Variants in FNDC1 observed in about 807,000 individuals in gnomAD.
FNDC1 encodes the protein fibronectin type III domain-containing protein 1.
FNDC1 carries 96 observed loss-of-function variants against 168.0 expected under a neutral mutation model. The ratio of observed to expected loss-of-function variants is 0.57; its 90% CI spans 0.48 to 0.68. FNDC1 has a LOEUF of 0.68. Ranked by LOEUF, FNDC1 falls within the 30% of genes least tolerant of loss-of-function variation. The probability of loss-of-function intolerance (pLI) is 0.00; values close to 1 mark genes in which losing one functional copy is unlikely to be tolerated. For synonymous variants in FNDC1, 1,099 were observed against 1,025.9 expected (o/e 1.07, Z -1.36); for missense variants, 2,587 against 2,482.1 (o/e 1.04, Z -0.90).
intron 17 of FNDC1, among the ~76,000 whole-genome samples, chr6:159,256,008 G>A (rs1275341347): frequency 2.6e-5 from 4 of 152,218 alleles, no homozygotes; most frequent in African/African-American, 9.7e-5. Context: ...GGGCAGCACA[G>A]ATACTCAGCA....
intron 1 of FNDC1, among the ~76,000 whole-genome samples, chr6:159,195,127 G>T (rs1294188241): frequency 6.6e-6 from 1 of 152,052 alleles, no homozygotes; most frequent in African/African-American, 2.4e-5. Flanking sequence ...TTGACGGTAA[G>T]GTTGCCTGTA....
chr6:159,238,550 TTAGGTTG>T lies in FNDC1; in HGVS notation c.4069-2_4073del, dbSNP rs761916758. 1 of 1,598,366 alleles carries T rather than the reference TTAGGTTG, an allele frequency of 6.3e-7. No homozygotes were observed. Among genetic ancestry groups the T allele is most frequent in the Non-Finnish European group, 8.6e-7 (1 of 1,169,164 alleles). ...ATATTCTTTAATCTATGTCATGGAT[TTAGGTTG>T]TGGACCTTGATCGTGGGTTAGTATT... On this transcript the variant is annotated splice_acceptor_variant and splice_polypyrimidine_tract_variant and coding_sequence_variant and intron_variant, in exon 13 of 23. Transcript: ENST00000297267. LOFTEE classifies it high-confidence loss of function.
In FNDC1 at chr6:159,267,505, C is replaced by CT. The variant is rs370360223; in HGVS notation, c.5447-289dup. Among the ~76,000 whole-genome samples, 82 of 148,394 alleles carry CT rather than the reference C, an allele frequency of 5.5e-4. 1 individual carries two copies. The highest frequency in any genetic ancestry group is 1.3e-3 in the African/African-American group (53 of 40,652). ...CCAACTATCATAGTTTTCATCATTC[C>CT]TTTTTTTTTTAGAACTAAGGAATAG... On this transcript the variant is annotated intron_variant, in intron 21 of 22. Transcript: ENST00000297267.
intron 7 of FNDC1, among the ~76,000 whole-genome samples, chr6:159,224,114 T>C (rs1583884850): frequency 6.6e-6 from 1 of 152,322 alleles, no homozygotes; most frequent in East Asian, 1.9e-4. Context: ...AGTTCCTCAT[T>C]AGACTTTGCT....
In FNDC1 at chr6:159,221,666, A is replaced by T; in HGVS notation, c.736A>T (p.Arg246Trp). The T allele has an allele frequency of 1.2e-6, 2 of 1,614,006 alleles. No homozygotes were observed. The highest frequency in any genetic ancestry group is 1.7e-6 in the Non-Finnish European group (2 of 1,179,856). The change falls in exon 6 of 23, where the codon AGG becomes TGG. Residue 246 changes from arginine (R) to tryptophan (W), a missense_variant. Transcript: ENST00000297267. The part of the protein sequence containing the change: ...NSQGRSQPVY[R>W]AALTKRKISE... ...TCAGGGCCGGAGCCAACCAGTCTAC[A>T]GGGCTGCCCTAACAAAGCGAAAGAT...
At chr6:159,269,514 G>GCATCCATCCATCCATCCATCCATCCATC (rs1159382501) in intron 22 of FNDC1, among the ~76,000 whole-genome samples, 1 of 86,008 alleles carries the variant, frequency 1.2e-5, no homozygotes, top group African/African-American at 4.4e-5. Flanking sequence ...ATCCATCCAT[G>GCATCCATCCATCCATCCATCCATCCATC]CATCCATCCA....
intron 1 of FNDC1, among the ~76,000 whole-genome samples, chr6:159,190,078 C>G (rs924771255): frequency 2.0e-5 from 3 of 152,096 alleles, no homozygotes; most frequent in Non-Finnish European, 4.4e-5. Context: ...ATCTTTAATC[C>G]CAGGAAGATA....
At chr6:159,252,527 G>A (rs866698183) in intron 17 of FNDC1, among the ~76,000 whole-genome samples, 1 of 152,310 alleles carries the variant, frequency 6.6e-6, no homozygotes, top group East Asian at 1.9e-4. Flanking sequence ...ATTCTGCCAG[G>A]TGAGACTGAA....
intron 1 of FNDC1, among the ~76,000 whole-genome samples, chr6:159,180,247 G>A (rs1282633336): frequency 1.3e-5 from 2 of 152,070 alleles, no homozygotes; most frequent in Non-Finnish European, 2.9e-5. Flanking sequence ...CTGCCTCCAC[G>A]TCATATGGCA....
intron 13 of FNDC1, 85 bp from the exon 14 acceptor site, chr6:159,239,432 C>A: frequency 8.3e-7 from 1 of 1,207,766 alleles, no homozygotes; most frequent in Non-Finnish European, 1.1e-6. Flanking sequence ...AATACATAAG[C>A]TTTGAGAAGA....
At chr6:159,215,503 AG>A (rs1382241139) in intron 5 of FNDC1, among the ~76,000 whole-genome samples, 3 of 152,212 alleles carry the variant, frequency 2.0e-5, no homozygotes, top group Non-Finnish European at 1.5e-5. Flanking sequence ...TTAGAATCCT[AG>A]GACACTGGGC....
chr6:159,215,676 T>C (rs1346351800), intron 5 of FNDC1, among the ~76,000 whole-genome samples: 3 of 152,180 alleles, frequency 2.0e-5, no homozygotes, highest in Non-Finnish European at 4.4e-5. Flanking sequence ...CAATAGGCCA[T>C]CTGCAGGCTG....
intron 5 of FNDC1, among the ~76,000 whole-genome samples, chr6:159,216,048 G>A (rs973703648): frequency 1.8e-4 from 27 of 151,940 alleles, no homozygotes; most frequent in African/African-American, 6.3e-4. Context: ...GGCAACCTCC[G>A]CCTCCCGGGT....
chr6:159,198,819 G>C (rs567974922), intron 2 of FNDC1, among the ~76,000 whole-genome samples: 49 of 152,252 alleles, frequency 3.2e-4, no homozygotes, highest in Non-Finnish European at 6.3e-4. Context: ...AGAGTAAAGA[G>C]AGAAAGTGTC....
intron 5 of FNDC1, among the ~76,000 whole-genome samples, chr6:159,220,341 C>G (rs1782795813): frequency 6.6e-6 from 1 of 152,242 alleles, no homozygotes; most frequent in Admixed American, 6.5e-5. Flanking sequence ...GTGCTCTCAG[C>G]TCCCCTTAGG....
chr6:159,248,334 T>C (rs1583909697), intron 15 of FNDC1, among the ~76,000 whole-genome samples: 1 of 151,482 alleles, frequency 6.6e-6, no homozygotes, highest in East Asian at 1.9e-4. Context: ...TGAGATGGAG[T>C]CTCGCTCTGT....
intron 17 of FNDC1, among the ~76,000 whole-genome samples, chr6:159,256,027 T>C (rs1222149642): frequency 6.6e-6 from 1 of 152,124 alleles, no homozygotes; most frequent in East Asian, 1.9e-4. Context: ...CAATGAGAAA[T>C]CGCAGGACAG....
chr6:159,215,564 A>G (rs1173102326), intron 5 of FNDC1, among the ~76,000 whole-genome samples: 2 of 152,230 alleles, frequency 1.3e-5, no homozygotes, highest in Non-Finnish European at 2.9e-5. Context: ...ACTGCAAGTC[A>G]GGCTTTATTA....
rs758506866 is a variant in FNDC1, at chr6:159,256,593, A to G, written c.5136A>G (p.Val1712=). The change falls in exon 18 of 23, where the codon GTA becomes GTG. Residue 1712 remains valine, a synonymous_variant. Coordinates refer to ENST00000297267, the MANE Select transcript of FNDC1 (RefSeq NM_032532.3). ...AGTGGTCCACTCAAGCTTCATCAGT[A>G]ACTCACTTGCCCATTGAGAACCTAA... ...RNKWSTQASS[V]THLPIENLKP... 2.5e-6 allele frequency: 4 copies of G among 1,613,960 alleles called. No individual in the cohort carries two copies. The Admixed American group carries it at 6.7e-5, about 27-fold the overall frequency.
Sources: allele counts gnomAD v4.1 joint callset (sites outside exome capture counted in the v4.1 genomes callset), GRCh38; gene constraint gnomAD v4.1.1; transcripts MANE v1.5; gene names NCBI Gene and HGNC (gene_info 2026-07-23, HGNC 2026-07-21).